Variants in RNF114 observed in about 807,000 individuals in gnomAD.
RNF114 encodes E3 ubiquitin-protein ligase RNF114.
In RNF114, 6 loss-of-function variants were observed where a neutral mutation model predicts 28.4. That is an observed-to-expected ratio of 0.21 (90% CI 0.12 to 0.42). The LOEUF is 0.42. Among genes scored for constraint, RNF114 ranks in the 10% least tolerant of loss-of-function variants. RNF114 has a pLI of 1.00. For synonymous variants in RNF114, 115 were observed against 116.7 expected (o/e 0.99, Z 0.09); for missense variants, 249 against 311.7 (o/e 0.80, Z 1.51).
intron 1 of RNF114, among the ~76,000 whole-genome samples, chr20:49,937,943 G>A (rs920472928): frequency 6.6e-6 from 1 of 152,140 alleles, no homozygotes; most frequent in Non-Finnish European, 1.5e-5. Context: ...CCAGTGAATT[G>A]ATTATAAATA....
intron 1 of RNF114, among the ~76,000 whole-genome samples, chr20:49,938,812 G>C (rs2146853026): frequency 6.6e-6 from 1 of 152,334 alleles, no homozygotes; most frequent in South Asian, 2.1e-4. Context: ...GTGTGTGCTT[G>C]AGAAGAGACT....
chr20:49,950,682 CAA>C (rs11429510), intron 5 of RNF114, among the ~76,000 whole-genome samples: 14 of 90,484 alleles, frequency 1.5e-4, no homozygotes, highest in Admixed American at 2.4e-4. Flanking sequence ...GACCCTGTCT[CAA>C]AAAAAAAAAA....
rs1461198736 is a variant in RNF114, at chr20:49,953,379, A to G, written c.*1238A>G. ...TATAAGTCCAAGAGCTGTCAGCCTA[A>G]TCTGTAGGAGCAGAACCTCTGATTG... On this transcript the variant is annotated 3_prime_UTR_variant, in exon 6 of 6. Coordinates refer to ENST00000244061, the MANE Select transcript of RNF114 (RefSeq NM_018683.4). The G allele has an allele frequency of 6.6e-6, 1 of 152,168 alleles. No homozygotes were observed. The highest frequency in any genetic ancestry group is 1.5e-5 in the Non-Finnish European group (1 of 68,036). The allele number at this position is 152,168 out of a possible 1,614,324, so 9.4% of individuals were successfully genotyped here. A position where few individuals can be genotyped will look rare whatever the true frequency, so the allele number is the denominator to read the frequency against.
intron 1 of RNF114, 119 bp downstream of exon 1, chr20:49,936,671 G>A: frequency 7.7e-7 from 1 of 1,299,276 alleles, no homozygotes. Context: ...CCTCCCGGGG[G>A]TGTCCCCCGG....
intron 4 of RNF114, among the ~76,000 whole-genome samples, chr20:49,948,485 T>C (rs559378559): frequency 6.6e-6 from 1 of 151,442 alleles, no homozygotes; most frequent in South Asian, 2.1e-4. Flanking sequence ...GGCTGGAGGC[T>C]GGAGTGCAGT....
chr20:49,950,770 T>C (rs2090352456), intron 5 of RNF114, among the ~76,000 whole-genome samples: 1 of 151,828 alleles, frequency 6.6e-6, no homozygotes, highest in Non-Finnish European at 1.5e-5. Context: ...GGGACCATAA[T>C]TGAAATGATC....
rs41303809 is a variant in RNF114, at chr20:49,949,294, G to A, written c.560G>A (p.Arg187His). Residue 187 changes from arginine to histidine, a missense_variant, in exon 5 of 6, where the codon CGC becomes CAC. By Grantham distance (29) the Arg-to-His change is conservative (BLOSUM62 0). Coordinates refer to ENST00000244061, the MANE Select transcript of RNF114 (RefSeq NM_018683.4). ...ASMPWGDPNYRSANFREHIQR... is the reference protein window; with the variant it reads ...ASMPWGDPNYHSANFREHIQR... Reference sequence around the variant, plus strand: ...ATGCCCTGGGGAGACCCCAACTACCGCAGCGCCAACTTCAGAGAGCACATC... The same window carrying A: ...ATGCCCTGGGGAGACCCCAACTACCACAGCGCCAACTTCAGAGAGCACATC... The A allele has an allele frequency of 2.7e-3, 4,347 of 1,614,148 alleles. 9 individuals are homozygous for A. Among genetic ancestry groups the A allele is most frequent in the Non-Finnish European group, 3.2e-3 (3,757 of 1,180,008 alleles).
At chr20:49,943,328 A>G (rs2090314827) in intron 2 of RNF114, among the ~76,000 whole-genome samples, 1 of 152,170 alleles carries the variant, frequency 6.6e-6, no homozygotes, top group African/African-American at 2.4e-5. Context: ...GACTCTGTAT[A>G]TACCAAAACA....
At chr20:49,943,833 T>TATATATATACAC in intron 2 of RNF114, 1 of 122,960 alleles carries the variant, frequency 8.1e-6, no homozygotes, top group East Asian at 2.6e-4. Flanking sequence ...TATATATATA[T>TATATATATACAC]ACACACACAC....
Position 49,945,388 on chromosome 20 carries a change from C to T in RNF114, c.298C>T (p.Leu100=). ...SCHGCRKNFF[L]SKIRSHVATC... ...CTGATTCTTCCTATTTGAGTTCTTC[C>T]TGTCCAAGATCCGGTCCCACGTGGC... is the stretch of plus-strand genomic sequence containing the variant. The change falls in exon 3 of 6, where the codon CTG becomes TTG. Residue 100 remains leucine (L), a synonymous_variant. Coordinates refer to ENST00000244061, the MANE Select transcript of RNF114 (RefSeq NM_018683.4). 6.2e-7 allele frequency: 1 copy of T among 1,608,318 alleles called. No homozygotes were observed. Among genetic ancestry groups the T allele is most frequent in the Non-Finnish European group, 8.5e-7 (1 of 1,174,782 alleles).
chr20:49,946,259 C>CA lies in RNF114; in HGVS notation c.513+9_513+10insA. On this transcript the variant is annotated intron_variant, in intron 4 of 5. Coordinates refer to ENST00000244061, the MANE Select transcript of RNF114 (RefSeq NM_018683.4). The stretch of plus-strand genomic sequence containing the variant: ...CGGATACCAAATCTGTGGTGAGTAA[C>CA]CTTTTTTTTTTTTTTTAAACTTCAT... 1 of 1,312,294 alleles carries CA rather than the reference C, an allele frequency of 7.6e-7. No homozygotes were observed. The highest frequency in any genetic ancestry group is 1.1e-6 in the Non-Finnish European group (1 of 948,424). The allele number at this position is 1,312,294 out of a possible 1,614,324, so 81.3% of individuals were successfully genotyped here.
At chr20:49,937,913 C>T (rs1336435092) in intron 1 of RNF114, among the ~76,000 whole-genome samples, 1 of 152,156 alleles carries the variant, frequency 6.6e-6, no homozygotes, top group African/African-American at 2.4e-5. Flanking sequence ...GGGGTAGACT[C>T]TGCCTTCAGA....
chr20:49,952,117 G>A lies in RNF114; in HGVS notation c.663G>A (p.Leu221=), dbSNP rs1568922378. The part of the protein sequence containing the change: ...VDEEDMMNQV[L]QRSIIDQ Reference sequence around the variant, plus strand: ...AAGAGGACATGATGAATCAGGTGTTGCAGCGCTCCATCATCGACCAGTGAG... The same window carrying A: ...AAGAGGACATGATGAATCAGGTGTTACAGCGCTCCATCATCGACCAGTGAG... The change falls in exon 6 of 6, where the codon TTG becomes TTA. Residue 221 remains leucine (L), a synonymous_variant. Transcript: ENST00000244061. 2.5e-6 allele frequency: 4 copies of A among 1,613,590 alleles called. No individual in the cohort carries two copies. Among genetic ancestry groups the A allele is most frequent in the Non-Finnish European group, 3.4e-6 (4 of 1,179,772 alleles).
Position 49,946,205 on chromosome 20 carries a change from T to G in RNF114, c.468T>G (p.Leu156=), listed in dbSNP as rs1243024459. 6.2e-7 allele frequency: 1 copy of G among 1,611,562 alleles called. No individual in the cohort carries two copies. Among genetic ancestry groups the G allele is most frequent in the East Asian group, 2.2e-5 (1 of 44,836 alleles). Residue 156 remains leucine, a synonymous_variant, in exon 4 of 6, where the codon CTT becomes CTG. Coordinates refer to ENST00000244061, the MANE Select transcript of RNF114 (RefSeq NM_018683.4). ...CPEKNFDQEG[L]VEHCKLFHST... The stretch of plus-strand genomic sequence containing the variant: ...AGAAGAACTTTGATCAGGAAGGACT[T>G]GTGGAACACTGCAAATTATTCCATA...
rs763623692 is a variant in RNF114 at position 49,952,434 on chromosome 20, C to G, written c.*293C>G. On this transcript the variant is annotated 3_prime_UTR_variant, in exon 6 of 6. Coordinates refer to ENST00000244061, the MANE Select transcript of RNF114 (RefSeq NM_018683.4). ...TCTGCCGCCTCCTGTGGAAGATAATCTAGCTTCTCCACCTCTTGTTTCACA... is the reference window on the plus strand; with the variant it reads ...TCTGCCGCCTCCTGTGGAAGATAATGTAGCTTCTCCACCTCTTGTTTCACA... The G allele has an allele frequency of 7.6e-6, 4 of 524,612 alleles. No homozygotes were observed. Among genetic ancestry groups the G allele is most frequent in the Non-Finnish European group, 1.4e-5 (4 of 294,026 alleles). 32.5% of individuals were successfully genotyped at this position (524,612 alleles called of 1,614,324 possible).
At chr20:49,949,143 ATG>A in intron 4 of RNF114, 103 bp from the exon 5 acceptor site, 1 of 854,798 alleles carries the variant, frequency 1.2e-6, no homozygotes, top group Non-Finnish European at 2.0e-6. Flanking sequence ...CCTGGACAGT[ATG>A]TCAGGAAAGC....
intron 5 of RNF114, among the ~76,000 whole-genome samples, chr20:49,950,433 A>G (rs991749550): frequency 6.6e-6 from 1 of 150,810 alleles, no homozygotes; most frequent in Non-Finnish European, 1.5e-5. Flanking sequence ...CAATCCTAGC[A>G]TTTTTGGGAG....
chr20:49,937,005 A>G (rs985614371), intron 1 of RNF114, among the ~76,000 whole-genome samples: 2 of 152,220 alleles, frequency 1.3e-5, no homozygotes, highest in Non-Finnish European at 2.9e-5. Context: ...ACGCTGAACT[A>G]GACTAAAACA....
At chr20:49,940,874 TG>T (rs944249817) in intron 1 of RNF114, among the ~76,000 whole-genome samples, 3 of 152,076 alleles carry the variant, frequency 2.0e-5, no homozygotes, top group African/African-American at 7.2e-5. Context: ...CCCGAGTAGC[TG>T]GGATTACAGG....
Sources: allele counts gnomAD v4.1 joint callset (sites outside exome capture counted in the v4.1 genomes callset), GRCh38; gene constraint gnomAD v4.1.1; transcripts MANE v1.5; gene names NCBI Gene and HGNC (gene_info 2026-07-23, HGNC 2026-07-21).